YTHDC2: variants seen among roughly 807,000 people sequenced by gnomAD.
The protein encoded by YTHDC2 is YTH N6-methyladenosine RNA binding protein C2.
A neutral mutation model predicts 174.9 loss-of-function variants in YTHDC2; 45 were observed. That is an observed-to-expected ratio of 0.26 (90% confidence interval 0.20 to 0.33). The LOEUF is 0.33. YTHDC2 is among the 10% of genes least tolerant of loss of function. The pLI is 1.00. For missense variants in YTHDC2, 1,650 were observed against 1,723.7 expected, an observed-to-expected ratio of 0.96 and a Z score of 0.76; for synonymous variants, 657 against 574.5, an observed-to-expected ratio of 1.14 and a Z score of -2.05.
chr5:113,540,683 C>T (rs529032749), intron 8 of YTHDC2, among the ~76,000 whole-genome samples: 144 of 152,282 alleles, frequency 9.5e-4, no homozygotes, highest in African/African-American at 3.4e-3. Flanking sequence ...AATCACCTCC[C>T]ACCAGGTCTT....
intron 11 of YTHDC2, 136 bp from the exon 12 acceptor site, chr5:113,548,819 G>T (rs1580549381): frequency 1.8e-6 from 2 of 1,135,242 alleles, no homozygotes; most frequent in Non-Finnish European, 2.4e-6. Context: ...TGAATGACTT[G>T]TTTTTTAACT....
intron 17 of YTHDC2, among the ~76,000 whole-genome samples, chr5:113,559,219 T>C (rs528845424): frequency 2.6e-5 from 4 of 151,870 alleles, no homozygotes; most frequent in Non-Finnish European, 4.4e-5. Flanking sequence ...TCAAAAACTT[T>C]ATGGAAAATG....
At chr5:113,521,538 C>T (rs1048723450) in intron 2 of YTHDC2, among the ~76,000 whole-genome samples, 1 of 151,998 alleles carries the variant, frequency 6.6e-6, no homozygotes, top group Non-Finnish European at 1.5e-5. Flanking sequence ...CCAGACCAGC[C>T]TGACTAATAT....
chr5:113,560,567 A>G (rs960617380), intron 17 of YTHDC2, among the ~76,000 whole-genome samples: 2 of 152,192 alleles, frequency 1.3e-5, no homozygotes, highest in African/African-American at 4.8e-5. Context: ...ATTAGCTGAT[A>G]TAGTGACTTT....
At position 113,567,020 on chromosome 5, in the gene YTHDC2, A is replaced by C. The variant is rs777596969; in HGVS notation, c.2843-72A>C. The C allele has an allele frequency of 5.1e-5, 76 of 1,480,160 alleles. No individual in the cohort carries two copies. In the South Asian group the frequency reaches 9.9e-4, roughly 19 times the overall value. 91.7% of individuals were successfully genotyped at this position (1,480,160 alleles called of 1,614,324 possible). On this transcript the variant is annotated intron_variant, in intron 21 of 29. Transcript: ENST00000161863. ...TCACAAAATTTACATGAGTTGTACA[A>C]GTTTTTGGAAAAAATACACAAAAGT... is the stretch of plus-strand genomic sequence containing the variant.
intron 4 of YTHDC2, 26 bp downstream of exon 4, chr5:113,526,811 GAAAA>G (rs58260423): frequency 0.049 from 12,862 of 259,910 alleles, 392 homozygotes; most frequent in African/African-American, 0.066. Flanking sequence ...GTTGTTTATA[GAAAA>G]AAAAAAAAAA....
chr5:113,548,429 C>T (rs1230475330), intron 10 of YTHDC2, 112 bp from the exon 11 acceptor site: 1 of 1,044,336 alleles, frequency 9.6e-7, no homozygotes, highest in Non-Finnish European at 1.3e-6. Context: ...AGGAGCAACT[C>T]TCAGGCTAAT....
At chr5:113,514,178 C>G in intron 1 of YTHDC2, 96 bp downstream of exon 1, 1 of 1,457,518 alleles carries the variant, frequency 6.9e-7, no homozygotes, top group Non-Finnish European at 9.3e-7. Flanking sequence ...GGGGTGCCTC[C>G]GAAGAGGGAG....
At chr5:113,533,142 G>A (rs1774796908) in intron 5 of YTHDC2, 97 bp downstream of exon 5, 1 of 1,403,010 alleles carries the variant, frequency 7.1e-7, no homozygotes, top group East Asian at 2.5e-5. Context: ...GAAAAGTTAG[G>A]TGATCATTTT....
intron 13 of YTHDC2, 88 bp downstream of exon 13, chr5:113,553,447 C>A: frequency 7.1e-7 from 1 of 1,417,352 alleles, no homozygotes; most frequent in Non-Finnish European, 9.5e-7. Flanking sequence ...TATAATTGCA[C>A]TGATAGTAGT....
intron 24 of YTHDC2, chr5:113,580,049 T>A (rs992843840): frequency 4.3e-6 from 2 of 467,200 alleles, no homozygotes; most frequent in African/African-American, 4.2e-5. Flanking sequence ...CCCTGCCTCC[T>A]ATAGAGTGGA....
At chr5:113,540,131 T>C (rs913559469) in intron 8 of YTHDC2, among the ~76,000 whole-genome samples, 1 of 152,150 alleles carries the variant, frequency 6.6e-6, no homozygotes, top group Non-Finnish European at 1.5e-5. Context: ...CAAGCAATCC[T>C]CTTGCCTCAG....
chr5:113,591,870 G>C, intron 27 of YTHDC2, 126 bp from the exon 28 acceptor site: 1 of 722,934 alleles, frequency 1.4e-6, no homozygotes, highest in Non-Finnish European at 1.9e-6. Context: ...TTTTTGTTAG[G>C]TATCTGTTAT....
intron 27 of YTHDC2, 42 bp downstream of exon 27, chr5:113,591,286 T>C: frequency 6.3e-7 from 1 of 1,593,644 alleles, no homozygotes; most frequent in Non-Finnish European, 8.6e-7. Context: ...GTTCTGGCTA[T>C]AGGTTAAATC....
intron 23 of YTHDC2, among the ~76,000 whole-genome samples, chr5:113,575,643 G>C (rs1161556031): frequency 2.6e-5 from 4 of 152,146 alleles, no homozygotes; most frequent in African/African-American, 9.7e-5. Context: ...CAATGGAAGA[G>C]GGCAATGATA....
At chr5:113,584,542 A>G in intron 26 of YTHDC2, 63 bp downstream of exon 26, 1 of 1,331,866 alleles carries the variant, frequency 7.5e-7, no homozygotes, top group Non-Finnish European at 1.0e-6. Context: ...ATCCTAGGTA[A>G]ATAAAATTGT....
chr5:113,528,797 C>G (rs1027237445), intron 4 of YTHDC2, among the ~76,000 whole-genome samples: 6 of 152,188 alleles, frequency 3.9e-5, no homozygotes, highest in African/African-American at 1.4e-4. Context: ...GCATAAGCCA[C>G]CATGCCTGGC....
At chr5:113,555,219 C>T (rs910684320) in intron 16 of YTHDC2, among the ~76,000 whole-genome samples, 2 of 151,694 alleles carry the variant, frequency 1.3e-5, no homozygotes, top group African/African-American at 4.8e-5. Flanking sequence ...TATTAAGTAA[C>T]TGAAATTTAA....
At chr5:113,531,101 T>C (rs1315827734) in intron 4 of YTHDC2, among the ~76,000 whole-genome samples, 1 of 152,218 alleles carries the variant, frequency 6.6e-6, no homozygotes, top group Admixed American at 6.5e-5. Flanking sequence ...TGGCTTCTTT[T>C]AGGATTTTTC....
Sources: allele counts gnomAD v4.1 joint callset (sites outside exome capture counted in the v4.1 genomes callset), GRCh38; gene constraint gnomAD v4.1.1; transcripts MANE v1.5; gene names NCBI Gene and HGNC (gene_info 2026-07-23, HGNC 2026-07-21).